SMIM21: variants seen among roughly 807,000 people sequenced by gnomAD.
SMIM21 encodes small integral membrane protein 21, also known as chromosome 18 open reading frame 62.
In SMIM21, 8 loss-of-function variants were observed where a neutral mutation model predicts 8.6. That is an observed-to-expected ratio of 0.93 (90% CI 0.55 to 1.68). The LOEUF (loss-of-function observed/expected upper bound fraction) is 1.68, where lower values mean the gene tolerates loss of function less well. Ranked by LOEUF, SMIM21 falls within the 40% of genes most tolerant of loss-of-function variation. The pLI is 0.00. For synonymous variants in SMIM21, 43 were observed against 41.7 expected (o/e 1.03, Z -0.12); for missense variants, 132 against 123.0 (o/e 1.07, Z -0.35).
At chr18:75,413,783 T>C (rs1318500726) in intron 2 of SMIM21, among the ~76,000 whole-genome samples, 1 of 152,176 alleles carries the variant, frequency 6.6e-6, no homozygotes, top group Non-Finnish European at 1.5e-5. Context: ...TTAGGATGTC[T>C]TCCTTCTTGT....
chr18:75,419,215 AG>A (rs2024684192), intron 1 of SMIM21, among the ~76,000 whole-genome samples: 1 of 152,216 alleles, frequency 6.6e-6, no homozygotes, highest in African/African-American at 2.4e-5. Context: ...TTCCCTATTA[AG>A]TTGAGGGTGC....
At chr18:75,420,067 G>A (rs956056714) in intron 1 of SMIM21, among the ~76,000 whole-genome samples, 3 of 152,218 alleles carry the variant, frequency 2.0e-5, no homozygotes, top group African/African-American at 7.2e-5. Flanking sequence ...AATGTAGGAT[G>A]GAGCTTCCCA....
chr18:75,422,009 G>A (rs373561272), intron 1 of SMIM21, among the ~76,000 whole-genome samples: 1 of 152,168 alleles, frequency 6.6e-6, no homozygotes, highest in South Asian at 2.1e-4. Context: ...CGTGATTGGG[G>A]TTGAGACAAA....
Position 75,410,207 on chromosome 18 carries a change from T to A in SMIM21, c.*657A>T, listed in dbSNP as rs1257527794. 2 of 152,692 alleles carry A rather than the reference T, an allele frequency of 1.3e-5. No individual in the cohort carries two copies. Among genetic ancestry groups the A allele is most frequent in the Non-Finnish European group, 2.9e-5 (2 of 68,060 alleles). 9.5% of individuals were successfully genotyped at this position (152,692 alleles called of 1,614,324 possible). A position where few individuals can be genotyped will look rare whatever the true frequency, so the allele number is the denominator to read the frequency against. ...CAGTGCTCCATCCTAAATCATTTGA[T>A]AATGTAAGAGGCTTGGTGCAGTTTT... On this transcript the variant is annotated 3_prime_UTR_variant, in exon 3 of 3. Transcript: ENST00000579022.
chr18:75,416,122 C>T (rs1230907059), intron 2 of SMIM21: 1 of 152,134 alleles, frequency 6.6e-6, no homozygotes, highest in Admixed American at 6.5e-5. Flanking sequence ...CAAATTGCCC[C>T]CAAAATGTTT....
intron 2 of SMIM21, among the ~76,000 whole-genome samples, chr18:75,413,296 T>C (rs979232090): frequency 2.0e-5 from 3 of 152,200 alleles, no homozygotes; most frequent in Non-Finnish European, 4.4e-5. Context: ...CTAAACCCAG[T>C]CCATCTCCAG....
chr18:75,411,355 C>A (rs763139492), intron 2 of SMIM21, among the ~76,000 whole-genome samples: 7 of 152,212 alleles, frequency 4.6e-5, no homozygotes, highest in African/African-American at 1.7e-4. Flanking sequence ...GCCATGAGAC[C>A]ATTGGGCAAA....
intron 2 of SMIM21, 89 bp downstream of exon 2, chr18:75,418,697 A>G: frequency 1.3e-6 from 1 of 766,110 alleles, no homozygotes; most frequent in Non-Finnish European, 1.9e-6. Context: ...TGAATGTTCT[A>G]GTTTTTTTTT....
chr18:75,427,692 G>T lies in SMIM21; in HGVS notation c.-129C>A, dbSNP rs1453304729. On this transcript the variant is annotated 5_prime_UTR_variant, in exon 1 of 3. Coordinates refer to ENST00000579022, the MANE Select transcript of SMIM21 (RefSeq NM_001037331.3). Reference sequence around the variant, plus strand: ...TTTTCTCTTCTTTGCCAACCTTGAAGATCTGGGTATTATTTTATGAAGCTG... The same window carrying T: ...TTTTCTCTTCTTTGCCAACCTTGAATATCTGGGTATTATTTTATGAAGCTG... 1 of 913,856 alleles carries T rather than the reference G, an allele frequency of 1.1e-6. No homozygotes were observed. Among genetic ancestry groups the T allele is most frequent in the Non-Finnish European group, 1.5e-6 (1 of 649,242 alleles). The allele number at this position is 913,856 out of a possible 1,614,324, so 56.6% of individuals were successfully genotyped here. A position where few individuals can be genotyped will look rare whatever the true frequency, so the allele number is the denominator to read the frequency against.
intron 2 of SMIM21, chr18:75,417,908 G>A: frequency 3.3e-6 from 1 of 301,578 alleles, no homozygotes. Context: ...ATTAAATATT[G>A]ATTGACTATG....
chr18:75,414,630 T>C (rs4302134), intron 2 of SMIM21, among the ~76,000 whole-genome samples: 110,111 of 152,074 alleles, frequency 0.72, 40,302 homozygotes, highest in East Asian at 0.99. Context: ...GAATGGAAAA[T>C]CTCCTCCAGC....
At chr18:75,424,623 A>C (rs1050799327) in intron 1 of SMIM21, among the ~76,000 whole-genome samples, 1 of 152,170 alleles carries the variant, frequency 6.6e-6, no homozygotes, top group African/African-American at 2.4e-5. Flanking sequence ...TGTGCATAGT[A>C]ATGGATTTTT....
rs753969294 is a variant in SMIM21 at position 75,420,306 on chromosome 18, C to T, written c.130-1390G>A. On this transcript the variant is annotated intron_variant, in intron 1 of 2. Coordinates refer to ENST00000579022, the MANE Select transcript of SMIM21 (RefSeq NM_001037331.3). ...AAGGAAAAGGAGAAAGGTGGGACTT[C>T]TTAATGCTGCTAAAGTCTCTATTCC... Among the ~76,000 whole-genome samples the T allele has an allele frequency of 2.0e-5, 3 of 152,230 alleles. No individual in the cohort carries two copies. The South Asian group carries it at 6.2e-4, about 32-fold the overall frequency.
chr18:75,427,449 T>G lies in SMIM21; in HGVS notation c.115A>C (p.Lys39Gln). ...CATAAACTCACTGTGGTAAGTGCTTTCTTCTGCAGCAAATTCCCCTTGAAT... is the reference window on the plus strand; with the variant it reads ...CATAAACTCACTGTGGTAAGTGCTTGCTTCTGCAGCAAATTCCCCTTGAAT... ...RIFKGNLLQK[K>Q]ALTTFENEHH... Residue 39 changes from lysine to glutamine, a missense_variant, in exon 1 of 3, where the codon AAA (lysine) becomes CAA (glutamine). Physicochemically the swap from Lys to Gln is moderately conservative, Grantham distance 53. Coordinates refer to ENST00000579022, the MANE Select transcript of SMIM21 (RefSeq NM_001037331.3). 6.2e-7 allele frequency: 1 copy of G among 1,613,980 alleles called. No homozygotes were observed.
intron 2 of SMIM21, among the ~76,000 whole-genome samples, chr18:75,413,526 A>C (rs2024604480): frequency 6.6e-6 from 1 of 152,100 alleles, no homozygotes; most frequent in Admixed American, 6.5e-5. Flanking sequence ...CTGTACTTAA[A>C]CCCTTTAATG....
chr18:75,420,722 G>T (rs2024699228), intron 1 of SMIM21, among the ~76,000 whole-genome samples: 1 of 152,196 alleles, frequency 6.6e-6, no homozygotes, highest in Non-Finnish European at 1.5e-5. Context: ...AAGCCAAGGA[G>T]TTGCTTGGGT....
chr18:75,418,784 AC>A lies in SMIM21; in HGVS notation c.260+1del, dbSNP rs2024677674. 6.2e-7 allele frequency: 1 copy of A among 1,603,434 alleles called. No homozygotes were observed. Among genetic ancestry groups the A allele is most frequent in the Non-Finnish European group, 8.5e-7 (1 of 1,175,462 alleles). On this transcript the variant is annotated splice_donor_variant, in intron 2 of 2. Transcript: ENST00000579022. LOFTEE classifies it high-confidence loss of function. ...TAACTGCTAAGGTTATCGTTTACCT[AC>A]TTTCGAAATATGCTGTTGGCCCTTT...
At chr18:75,424,625 T>A (rs890912851) in intron 1 of SMIM21, among the ~76,000 whole-genome samples, 2 of 152,216 alleles carry the variant, frequency 1.3e-5, no homozygotes, top group African/African-American at 2.4e-5. Flanking sequence ...TGCATAGTAA[T>A]GGATTTTTAA....
At chr18:75,419,048 T>C in intron 1 of SMIM21, 132 bp from the exon 2 acceptor site, 1 of 523,644 alleles carries the variant, frequency 1.9e-6, no homozygotes, top group South Asian at 4.0e-5. Flanking sequence ...TAAGGTCGTG[T>C]TTCAGAAGTA....
Sources: gnomAD v4.1 joint callset for allele counts (sites outside exome capture counted in the v4.1 genomes callset) on GRCh38, gnomAD v4.1.1 for gene constraint, MANE v1.5 for transcripts, NCBI Gene and HGNC (gene_info 2026-07-23, HGNC 2026-07-21) for gene names.